SIRT6: variants seen among roughly 807,000 people sequenced by gnomAD.
SIRT6 encodes the protein NAD-dependent protein deacylase sirtuin-6.
SIRT6 carries 21 observed loss-of-function variants against 33.6 expected under a neutral mutation model. That is an observed-to-expected ratio of 0.62 (90% CI 0.44 to 0.90). The LOEUF is 0.90. Ranked by LOEUF, SIRT6 falls within the 40% of genes least tolerant of loss-of-function variation. The probability of loss-of-function intolerance (pLI) is 0.00; values close to 1 mark genes in which losing one functional copy is unlikely to be tolerated. For synonymous variants in SIRT6, 221 were observed against 223.9 expected (o/e 0.99, Z 0.12); for missense variants, 504 against 510.6 (o/e 0.99, Z 0.12).
chr19:4,174,497 G>A lies in SIRT6; in HGVS notation c.*120C>T, dbSNP rs1967158421. On this transcript the variant is annotated 3_prime_UTR_variant, in exon 8 of 8. Transcript: ENST00000337491. The surrounding 1 kb of genome is among the most constrained non-coding windows in gnomAD (Gnocchi z 4.2). ...GGAGGGCAGGTGTAACCCCTGGCCT[G>A]GAGCACAGCTCTCAGAGCCCTGAGG... The A allele has an allele frequency of 2.1e-6, 2 of 965,430 alleles. No homozygotes were observed. The highest frequency in any genetic ancestry group is 2.3e-5 in the South Asian group (1 of 42,560). 59.8% of individuals were successfully genotyped at this position (965,430 alleles called of 1,614,324 possible). A position where few individuals can be genotyped will look rare whatever the true frequency, so the allele number is the denominator to read the frequency against.
At chr19:4,179,416 C>A in intron 2 of SIRT6, 130 bp from the exon 3 acceptor site, 1 of 986,216 alleles carries the variant, frequency 1.0e-6, no homozygotes. Context: ...GACAGGGAGA[C>A]AGAGAGAGGG....
intron 3 of SIRT6, among the ~76,000 whole-genome samples, chr19:4,177,577 T>A (rs2145167543): frequency 6.6e-6 from 1 of 152,268 alleles, no homozygotes; most frequent in East Asian, 1.9e-4. Flanking sequence ...TTATTTATTT[T>A]GAGACAGAGT....
rs200625473 is a variant in SIRT6 at position 4,177,114 on chromosome 19, C to G, written c.402G>C (p.Gly134=). The G allele has an allele frequency of 5.0e-5, 81 of 1,614,006 alleles. No individual in the cohort carries two copies. In the South Asian group the frequency reaches 8.3e-4, roughly 17 times the overall value. Residue 134 remains glycine, a synonymous_variant, in exon 4 of 8, where the codon GGG becomes GGC. Coordinates refer to ENST00000337491, the MANE Select transcript of SIRT6 (RefSeq NM_016539.4). ...FPRDKLAELH[G]NMFVEECAKC... ...TGGCACATTCTTCCACAAACATGTT[C>G]CCGTGGAGCTCTGCCAGTTTGTCCC...
At chr19:4,181,111 G>A (rs1268140886) in intron 1 of SIRT6, among the ~76,000 whole-genome samples, 2 of 152,070 alleles carry the variant, frequency 1.3e-5, no homozygotes, top group South Asian at 2.1e-4. Flanking sequence ...CCCTTCCCAC[G>A]GCCCACCAGG....
In SIRT6 at chr19:4,175,828, T is replaced by C. The variant is rs772876164; in HGVS notation, c.533+14A>G. On this transcript the variant is annotated intron_variant, in intron 5 of 7. Transcript: ENST00000337491. Reference sequence around the variant, plus strand: ...CCTCCCCTGGAGCCCAGGGCATGGGTGGGGGTGGCTCACCTGCAGGCTCGC... The same window carrying C: ...CCTCCCCTGGAGCCCAGGGCATGGGCGGGGGTGGCTCACCTGCAGGCTCGC... 1.0e-5 allele frequency: 16 copies of C among 1,555,660 alleles called. No individual in the cohort carries two copies. The highest frequency in any genetic ancestry group is 1.7e-4 in the Middle Eastern group (1 of 5,962).
Position 4,176,991 on chromosome 19 carries a change from C to G in SIRT6, c.437+88G>C, listed in dbSNP as rs1272713096. 4.2e-6 allele frequency: 5 copies of G among 1,191,888 alleles called. No individual in the cohort carries two copies. In the South Asian group the frequency reaches 5.5e-5, roughly 13 times the overall value. 73.8% of individuals were successfully genotyped at this position (1,191,888 alleles called of 1,614,324 possible). A position where few individuals can be genotyped will look rare whatever the true frequency, so the allele number is the denominator to read the frequency against. Reference sequence around the variant, plus strand: ...CCCAGGAGGGCCACACCCCAGTCCCCCCATACCCTCTGGGTCTCTGGGACA... The same window carrying G: ...CCCAGGAGGGCCACACCCCAGTCCCGCCATACCCTCTGGGTCTCTGGGACA... On this transcript the variant is annotated intron_variant, in intron 4 of 7. Transcript: ENST00000337491.
intron 2 of SIRT6, among the ~76,000 whole-genome samples, chr19:4,179,666 T>C (rs897530336): frequency 3.9e-5 from 6 of 152,216 alleles, no homozygotes; most frequent in African/African-American, 1.2e-4. Flanking sequence ...GCCCAAGCCC[T>C]GCCCTCCAGA....
At chr19:4,179,546 CAG>C (rs1967504864) in intron 2 of SIRT6, 1 of 524,340 alleles carries the variant, frequency 1.9e-6, no homozygotes, top group Non-Finnish European at 3.3e-6. Context: ...TGGAGAGAGA[CAG>C]AGAGAGGGAG....
At chr19:4,180,093 CTTTTTTTTTTTTTT>C (rs71166971) in intron 2 of SIRT6, among the ~76,000 whole-genome samples, 3 of 45,902 alleles carry the variant, frequency 6.5e-5, no homozygotes, top group African/African-American at 3.0e-4. Flanking sequence ...CACGCCTTGG[CTTTTTTTTTTTTTT>C]TTTTTTTTTT....
chr19:4,182,300 G>A, intron 1 of SIRT6, 174 bp downstream of exon 1: 1 of 628,150 alleles, frequency 1.6e-6, no homozygotes, highest in Non-Finnish European at 2.7e-6. Flanking sequence ...AGTTGGGCGT[G>A]TTGGCGTCCC....
intron 3 of SIRT6, 71 bp downstream of exon 3, chr19:4,179,033 C>T (rs1450348614): frequency 2.1e-5 from 33 of 1,545,280 alleles, no homozygotes; most frequent in Non-Finnish European, 2.1e-5. Context: ...AAAGGGGACT[C>T]TCCCCCTAAA....
At position 4,180,921 on chromosome 19, in the gene SIRT6, G is replaced by A. The variant is rs1311866030; in HGVS notation, c.67-12C>T. Reference sequence around the variant, plus strand: ...GGGGGGTCGAAGATCTGTGGGGGGAGAGAGCAGACGGAGGGGTCAAAACAG... The same window carrying A: ...GGGGGGTCGAAGATCTGTGGGGGGAAAGAGCAGACGGAGGGGTCAAAACAG... On this transcript the variant is annotated splice_polypyrimidine_tract_variant and intron_variant, in intron 1 of 7. Coordinates refer to ENST00000337491, the MANE Select transcript of SIRT6 (RefSeq NM_016539.4). 8 of 1,604,828 alleles carry A rather than the reference G, an allele frequency of 5.0e-6. No individual in the cohort carries two copies. Among genetic ancestry groups the A allele is most frequent in the Non-Finnish European group, 6.8e-6 (8 of 1,175,776 alleles).
intron 1 of SIRT6, 70 bp downstream of exon 1, chr19:4,182,404 C>G: frequency 6.8e-7 from 1 of 1,478,088 alleles, no homozygotes; most frequent in Non-Finnish European, 9.2e-7. Flanking sequence ...CCACAATGCC[C>G]CCCTGCCATC....
At position 4,179,500 on chromosome 19, in the gene SIRT6, TAA is replaced by T; in HGVS notation, c.195-216_195-215del. On this transcript the variant is annotated intron_variant, in intron 2 of 7. Coordinates refer to ENST00000337491, the MANE Select transcript of SIRT6 (RefSeq NM_016539.4). Reference sequence around the variant, plus strand: ...ATAGAACAAGACACAGACAGAGAGATAAAGAGTTAAAGACAAAGCAAGTCAGA... The same window carrying T: ...ATAGAACAAGACACAGACAGAGAGATAGAGTTAAAGACAAAGCAAGTCAGA... The T allele has an allele frequency of 1.1e-5, 6 of 570,402 alleles. No homozygotes were observed. The South Asian group carries it at 1.4e-4, about 13-fold the overall frequency. The allele number at this position is 570,402 out of a possible 1,614,324, so 35.3% of individuals were successfully genotyped here.
At chr19:4,175,427 C>T (rs979455722) in intron 6 of SIRT6, 23 of 625,700 alleles carry the variant, frequency 3.7e-5, no homozygotes, top group Middle Eastern at 4.3e-4. Context: ...GGTCACCTCC[C>T]GGCTGGGCAG....
rs1786525989 is a variant in SIRT6, at chr19:4,182,517, C to G, written c.23G>C (p.Gly8Ala). MSVNYAA[G>A]LSPYADKGKC... ...GCCCTTGTCCGCGTACGGCGACAGC[C>G]CCGCCGCGTAATTCACCGACATCCT... The change falls in exon 1 of 8, where the codon GGG (glycine) becomes GCG (alanine). Residue 8 changes from glycine (G) to alanine (A), a missense_variant. Gly to Ala is a moderately conservative substitution (Grantham distance 60). Coordinates refer to ENST00000337491, the MANE Select transcript of SIRT6 (RefSeq NM_016539.4). 1 of 1,611,586 alleles carries G rather than the reference C, an allele frequency of 6.2e-7. No homozygotes were observed.
chr19:4,178,785 C>T (rs115900651), intron 3 of SIRT6, among the ~76,000 whole-genome samples: 9,618 of 152,128 alleles, frequency 0.063, 703 homozygotes, highest in East Asian at 0.18. Context: ...GGAGGCTGAG[C>T]GGAGATCACG....
Position 4,177,068 on chromosome 19 carries a change from G to T in SIRT6, c.437+11C>A, listed in dbSNP as rs1294957427. 5.0e-6 allele frequency: 8 copies of T among 1,613,306 alleles called. No individual in the cohort carries two copies. The highest frequency in any genetic ancestry group is 6.8e-6 in the Non-Finnish European group (8 of 1,179,592). The stretch of plus-strand genomic sequence containing the variant: ...GCAGAGCCCCCACCCCTGCACCCAG[G>T]TGGCACTCACGTCTTACACTTGGCA... On this transcript the variant is annotated intron_variant, in intron 4 of 7. Transcript: ENST00000337491.
At chr19:4,175,983 T>C (rs1967281925) in intron 4 of SIRT6, 46 bp from the exon 5 acceptor site, 2 of 1,512,228 alleles carry the variant, frequency 1.3e-6, no homozygotes, top group African/African-American at 2.8e-5. Flanking sequence ...TGAGCTCCCA[T>C]GGGTGACTCT....
Sources: gnomAD v4.1 joint callset for allele counts (sites outside exome capture counted in the v4.1 genomes callset) on GRCh38, gnomAD v4.1.1 for gene constraint, Gnocchi (gnomAD v3.1) non-coding constraint, MANE v1.5 for transcripts, NCBI Gene and HGNC (gene_info 2026-07-23, HGNC 2026-07-21) for gene names.